PRKAG2: variants seen among roughly 807,000 people sequenced by gnomAD.
The protein encoded by PRKAG2 is 5'-AMP-activated protein kinase subunit gamma-2.
PRKAG2 carries 26 observed loss-of-function variants against 69.6 expected under a neutral mutation model. The ratio of observed to expected loss-of-function variants is 0.37; its 90% CI spans 0.27 to 0.52. PRKAG2 has a LOEUF of 0.52. PRKAG2 is among the 20% of genes least tolerant of loss of function. The pLI, the probability that PRKAG2 is intolerant of heterozygous loss-of-function variation, is 0.90. For missense variants in PRKAG2, 557 were observed against 740.0 expected (o/e 0.75, Z 2.87); for synonymous variants, 293 against 285.0 (o/e 1.03, Z -0.28).
intron 4 of PRKAG2, among the ~76,000 whole-genome samples, chr7:151,640,064 A>G (rs1826424028): frequency 2.6e-5 from 4 of 152,134 alleles, no homozygotes; most frequent in Admixed American, 1.3e-4. Context: ...TAATCCCAGC[A>G]CTTTGGGAGG....
At chr7:151,819,995 A>G (rs1337823069) in intron 1 of PRKAG2, among the ~76,000 whole-genome samples, 3 of 152,214 alleles carry the variant, frequency 2.0e-5, no homozygotes, top group Non-Finnish European at 4.4e-5. Flanking sequence ...GTGTCCTTAG[A>G]GGGCCAAGGC....
intron 6 of PRKAG2, among the ~76,000 whole-genome samples, chr7:151,594,959 C>A (rs926151182): frequency 6.6e-6 from 1 of 152,084 alleles, no homozygotes; most frequent in Non-Finnish European, 1.5e-5. Context: ...CCACCACACC[C>A]GGTTAATTTT....
intron 9 of PRKAG2, among the ~76,000 whole-genome samples, chr7:151,571,479 G>A (rs1415089494): frequency 1.3e-5 from 2 of 152,232 alleles, no homozygotes; most frequent in Admixed American, 1.3e-4. Context: ...AAAGTGCTGG[G>A]ATTACAGGTG....
chr7:151,704,011 G>A (rs1469551954), intron 3 of PRKAG2, among the ~76,000 whole-genome samples: 4 of 151,820 alleles, frequency 2.6e-5, no homozygotes, highest in African/African-American at 7.3e-5. Context: ...GCAGTGAGCC[G>A]AGATTGCGCC....
In PRKAG2 at chr7:151,876,683, C is replaced by G; in HGVS notation, c.-63G>C. On this transcript the variant is annotated 5_prime_UTR_variant, in exon 1 of 16. Coordinates refer to ENST00000287878, the MANE Select transcript of PRKAG2 (RefSeq NM_016203.4). ...GGGTTCGGTCCCCTCCTTCCCTCCC[C>G]CGGCCGCTGCCTTCGGACTGGAGCC... is the stretch of plus-strand genomic sequence containing the variant. 1.3e-6 allele frequency: 2 copies of G among 1,497,984 alleles called. No individual in the cohort carries two copies. The highest frequency in any genetic ancestry group is 1.8e-6 in the Non-Finnish European group (2 of 1,091,114). The allele number at this position is 1,497,984 out of a possible 1,614,324, so 92.8% of individuals were successfully genotyped here. A position where few individuals can be genotyped will look rare whatever the true frequency, so the allele number is the denominator to read the frequency against.
intron 5 of PRKAG2, among the ~76,000 whole-genome samples, chr7:151,621,814 A>T (rs1173721408): frequency 6.6e-6 from 1 of 152,082 alleles, no homozygotes; most frequent in Non-Finnish European, 1.5e-5. Flanking sequence ...GGCTCAAGGG[A>T]TCCTCCCACT....
chr7:151,625,622 C>T (rs918382527), intron 5 of PRKAG2, among the ~76,000 whole-genome samples: 16 of 152,000 alleles, frequency 1.1e-4, no homozygotes, highest in Admixed American at 2.0e-4. Flanking sequence ...TGACACTGGC[C>T]GGGAGTGAGG....
chr7:151,838,686 G>C (rs1175116969), intron 1 of PRKAG2, among the ~76,000 whole-genome samples: 1 of 139,688 alleles, frequency 7.2e-6, no homozygotes, highest in Non-Finnish European at 1.5e-5. Flanking sequence ...CAGCCAGGGA[G>C]ATAAAGCAAG....
intron 5 of PRKAG2, among the ~76,000 whole-genome samples, chr7:151,628,561 A>C (rs1194322480): frequency 6.6e-6 from 1 of 151,940 alleles, no homozygotes; most frequent in Non-Finnish European, 1.5e-5. Context: ...AAAGTACAAA[A>C]ATTAGCCAGG....
intron 3 of PRKAG2, among the ~76,000 whole-genome samples, chr7:151,755,504 T>G (rs996458713): frequency 1.3e-5 from 2 of 152,058 alleles, no homozygotes; most frequent in Non-Finnish European, 2.9e-5. Context: ...CATTTAAATG[T>G]GCTGGGGCGG....
Position 151,807,013 on chromosome 7 carries a change from G to A in PRKAG2, c.115-20472C>T. 2.2e-6 allele frequency: 1 copy of A among 455,814 alleles called. No homozygotes were observed. Among genetic ancestry groups the A allele is most frequent in the South Asian group, 1.6e-5 (1 of 64,040 alleles). 28.2% of individuals were successfully genotyped at this position (455,814 alleles called of 1,614,324 possible). On this transcript the variant is annotated intron_variant, in intron 1 of 15. Coordinates refer to ENST00000287878, the MANE Select transcript of PRKAG2 (RefSeq NM_016203.4). The surrounding 1 kb of genome is among the most constrained non-coding windows in gnomAD (Gnocchi z 4.4). ...CTTGTGTCCACCTGGGTTCAGAATT[G>A]CGCTGGACATGGGATACACAAAGGT...
chr7:151,718,450 C>T (rs10254101), intron 3 of PRKAG2, among the ~76,000 whole-genome samples: 35,055 of 151,918 alleles, frequency 0.23, 4,476 homozygotes, highest in Non-Finnish European at 0.29. Context: ...ATCTGGTCCA[C>T]AGCACGGCAC....
At chr7:151,770,046 C>T (rs1164394315) in intron 3 of PRKAG2, among the ~76,000 whole-genome samples, 1 of 152,204 alleles carries the variant, frequency 6.6e-6, no homozygotes, top group Non-Finnish European at 1.5e-5. Context: ...TGCCTCATTA[C>T]ACCCCCTCCC....
At chr7:151,876,168 AC>A (rs2080397358) in intron 1 of PRKAG2, among the ~76,000 whole-genome samples, 1 of 151,222 alleles carries the variant, frequency 6.6e-6, no homozygotes, top group African/African-American at 2.4e-5. Context: ...TTTCAGCAAA[AC>A]AACACAACGC....
chr7:151,599,877 C>T (rs572119575), intron 5 of PRKAG2, among the ~76,000 whole-genome samples: 1 of 152,322 alleles, frequency 6.6e-6, no homozygotes, highest in East Asian at 1.9e-4. Flanking sequence ...ACCTCCCTGC[C>T]TCTTGTATTA....
intron 5 of PRKAG2, among the ~76,000 whole-genome samples, chr7:151,628,101 A>G (rs901738463): frequency 6.6e-6 from 1 of 152,250 alleles, no homozygotes; most frequent in African/African-American, 2.4e-5. Flanking sequence ...AGAAGCGGGT[A>G]AAATCACCAC....
intron 3 of PRKAG2, among the ~76,000 whole-genome samples, chr7:151,736,640 C>T (rs889227916): frequency 2.0e-5 from 3 of 152,186 alleles, no homozygotes; most frequent in African/African-American, 4.8e-5. Flanking sequence ...CGGCTGCTGC[C>T]GGGTGGAGAA....
intron 3 of PRKAG2, among the ~76,000 whole-genome samples, chr7:151,701,759 C>T (rs376553542): frequency 3.3e-5 from 5 of 150,504 alleles, no homozygotes; most frequent in South Asian, 2.1e-4. Flanking sequence ...AGGAGAATGG[C>T]GTGAACCCGT....
intron 5 of PRKAG2, among the ~76,000 whole-genome samples, chr7:151,620,882 C>G (rs546679633): frequency 6.6e-6 from 1 of 152,172 alleles, no homozygotes; most frequent in African/African-American, 2.4e-5. Flanking sequence ...AAGTGATTCA[C>G]CCACCTTGGC....
Sources: allele counts gnomAD v4.1 joint callset (sites outside exome capture counted in the v4.1 genomes callset), GRCh38; gene constraint gnomAD v4.1.1; non-coding constraint Gnocchi (gnomAD v3.1); transcripts MANE v1.5; gene names NCBI Gene and HGNC (gene_info 2026-07-23, HGNC 2026-07-21).